The following STX12 variants were observed in gnomAD, a reference collection of about 807,000 sequenced individuals.
The protein encoded by STX12 is syntaxin-12.
In STX12, 17 loss-of-function variants were observed where a neutral mutation model predicts 42.2. The observed-to-expected ratio is 0.40, with a 90% confidence interval of 0.28 to 0.60. The LOEUF is 0.60. Among genes scored for constraint, STX12 ranks in the 20% least tolerant of loss-of-function variants. The pLI is 0.39. For missense variants in STX12, 297 were observed against 330.9 expected, an observed-to-expected ratio of 0.90 and a Z score of 0.79; for synonymous variants, 108 against 116.7, an observed-to-expected ratio of 0.93 and a Z score of 0.48.
intron 1 of STX12, among the ~76,000 whole-genome samples, chr1:27,780,455 G>A (rs1381429772): frequency 6.6e-6 from 1 of 152,054 alleles, no homozygotes; most frequent in African/African-American, 2.4e-5. Flanking sequence ...TGATCTGCCT[G>A]CCTTGCCCTC....
chr1:27,807,312 T>A (rs1038075638), intron 4 of STX12, among the ~76,000 whole-genome samples: 3 of 152,166 alleles, frequency 2.0e-5, no homozygotes, highest in Admixed American at 6.5e-5. Flanking sequence ...ATTCTTCCTA[T>A]TTTTTGTGCC....
chr1:27,790,828 C>G (rs920753015), intron 2 of STX12, among the ~76,000 whole-genome samples: 4 of 152,034 alleles, frequency 2.6e-5, no homozygotes, highest in African/African-American at 9.7e-5. Context: ...GTAATCCCAG[C>G]TACTCAGGAG....
intron 6 of STX12, among the ~76,000 whole-genome samples, chr1:27,812,515 C>A (rs547495747): frequency 6.6e-6 from 1 of 151,302 alleles, no homozygotes; most frequent in Admixed American, 6.6e-5. Flanking sequence ...GATCTTGGCT[C>A]ACTGCAACCT....
At chr1:27,809,333 C>CA (rs1208072414) in intron 4 of STX12, among the ~76,000 whole-genome samples, 211 of 113,836 alleles carry the variant, frequency 1.9e-3, no homozygotes, top group Middle Eastern at 5.1e-3. Flanking sequence ...GATTCCATCT[C>CA]AAAAAAAAAA....
At chr1:27,820,132 T>G (rs974455034) in intron 8 of STX12, 5 of 155,824 alleles carry the variant, frequency 3.2e-5, no homozygotes, top group African/African-American at 1.2e-4. Context: ...CTTCGACTGC[T>G]ATTTATATAT....
intron 1 of STX12, among the ~76,000 whole-genome samples, chr1:27,788,203 T>C (rs772319450): frequency 5.9e-5 from 9 of 152,202 alleles, no homozygotes; most frequent in Non-Finnish European, 1.3e-4. Context: ...TAGAAGACAG[T>C]GAATGCTCTT....
chr1:27,798,149 CTTACT>C (rs2088799183), intron 3 of STX12, among the ~76,000 whole-genome samples: 1 of 152,024 alleles, frequency 6.6e-6, no homozygotes, highest in Admixed American at 6.6e-5. Context: ...TACATTGGGG[CTTACT>C]TTATAATATT....
chr1:27,821,442 A>G (rs1427330903), intron 8 of STX12, among the ~76,000 whole-genome samples: 3 of 152,190 alleles, frequency 2.0e-5, no homozygotes, highest in Non-Finnish European at 4.4e-5. Flanking sequence ...AACATCAAAC[A>G]TCATACAATG....
At chr1:27,793,952 T>A (rs2088766990) in intron 3 of STX12, among the ~76,000 whole-genome samples, 2 of 151,910 alleles carry the variant, frequency 1.3e-5, no homozygotes, top group Admixed American at 1.3e-4. Flanking sequence ...CTTTGGGGTT[T>A]GGCTAGCAGT....
chr1:27,824,055 C>T lies in STX12; in HGVS notation c.*1726C>T, dbSNP rs928447241. On this transcript the variant is annotated 3_prime_UTR_variant, in exon 9 of 9. Coordinates refer to ENST00000373943, the MANE Select transcript of STX12 (RefSeq NM_177424.3). Reference sequence around the variant, plus strand: ...ATCAGCCTGGGCAGTATAGCAAGACCCCATCTCCATTTTTTTTTTAATGAT... The same window carrying T: ...ATCAGCCTGGGCAGTATAGCAAGACTCCATCTCCATTTTTTTTTTAATGAT... 1.3e-5 allele frequency: 2 copies of T among 151,806 alleles called. No homozygotes were observed. The highest frequency in any genetic ancestry group is 1.9e-4 in the East Asian group (1 of 5,194). The allele number at this position is 151,806 out of a possible 1,614,324, so 9.4% of individuals were successfully genotyped here.
intron 4 of STX12, among the ~76,000 whole-genome samples, chr1:27,809,757 C>T (rs2088890942): frequency 6.6e-6 from 1 of 151,968 alleles, no homozygotes; most frequent in East Asian, 1.9e-4. Flanking sequence ...TGCGCCCGGC[C>T]AGATCTCATA....
chr1:27,777,053 C>T (rs898161630), intron 1 of STX12, among the ~76,000 whole-genome samples: 2 of 152,108 alleles, frequency 1.3e-5, no homozygotes, highest in African/African-American at 4.8e-5. Flanking sequence ...AGATAAAATC[C>T]CTCCCCTGAT....
chr1:27,812,389 GT>G, intron 6 of STX12, 121 bp downstream of exon 6: 1 of 744,758 alleles, frequency 1.3e-6, no homozygotes, highest in African/African-American at 1.8e-5. Flanking sequence ...TGTGTGATTT[GT>G]ATTTTTTCTG....
intron 3 of STX12, 63 bp downstream of exon 3, chr1:27,793,695 G>A: frequency 7.3e-7 from 1 of 1,377,712 alleles, no homozygotes; most frequent in Non-Finnish European, 1.0e-6. Flanking sequence ...AAGGCAGTGT[G>A]TAGAACAAAA....
intron 3 of STX12, among the ~76,000 whole-genome samples, chr1:27,797,875 A>AACACACACACACACACAC (rs61106135): frequency 2.9e-4 from 41 of 143,190 alleles, no homozygotes; most frequent in African/African-American, 9.3e-4. Flanking sequence ...TCTGAAGGTA[A>AACACACACACACACACAC]ACACACACAC....
At chr1:27,781,154 A>G (rs1318263674) in intron 1 of STX12, among the ~76,000 whole-genome samples, 1 of 151,866 alleles carries the variant, frequency 6.6e-6, no homozygotes, top group African/African-American at 2.4e-5. Context: ...AGCAATTCTC[A>G]TGCCTCAGCC....
chr1:27,819,728 A>G lies in STX12; in HGVS notation c.728A>G (p.Tyr243Cys), dbSNP rs2148608835. 1.2e-6 allele frequency: 2 copies of G among 1,613,584 alleles called. No homozygotes were observed. Among genetic ancestry groups the G allele is most frequent in the East Asian group, 2.2e-5 (1 of 44,862 alleles). ...GAACAGTTACAGCGAGCTGCTTACT[A>G]TCAGGTAAAAGCGGGTACCAAAGAA... ...ATEQLQRAAY[Y>C]QKKSRKKMCI... The change falls in exon 8 of 9, where the codon TAT (tyrosine) becomes TGT (cysteine). Residue 243 changes from tyrosine to cysteine, a missense_variant. Physicochemically the swap from Tyr to Cys is radical, Grantham distance 194. Transcript: ENST00000373943.
chr1:27,807,617 T>C (rs542354870), intron 4 of STX12, among the ~76,000 whole-genome samples: 1 of 152,266 alleles, frequency 6.6e-6, no homozygotes, highest in South Asian at 2.1e-4. Context: ...TGGTATAAGT[T>C]AGAACAACTA....
intron 7 of STX12, among the ~76,000 whole-genome samples, chr1:27,819,261 C>A (rs2088965936): frequency 7.0e-6 from 1 of 142,536 alleles, no homozygotes; most frequent in Non-Finnish European, 1.5e-5. Context: ...AGAGTGAGAT[C>A]CCGTCTCTTA....
Sources: gnomAD v4.1 joint callset for allele counts (sites outside exome capture counted in the v4.1 genomes callset) on GRCh38, gnomAD v4.1.1 for gene constraint, MANE v1.5 for transcripts, NCBI Gene and HGNC (gene_info 2026-07-23, HGNC 2026-07-21) for gene names.